Variants in MYBBP1A observed in about 807,000 individuals in gnomAD.
MYBBP1A encodes MYB binding protein 1a, also known as myb-binding protein 1A.
A neutral mutation model predicts 136.3 loss-of-function variants in MYBBP1A; 147 were observed. That is an observed-to-expected ratio of 1.08 (90% CI 0.94 to 1.24). The LOEUF (loss-of-function observed/expected upper bound fraction) is 1.24, where lower values mean the gene tolerates loss of function less well. Ranked by LOEUF, MYBBP1A falls within the 50% of genes most tolerant of loss-of-function variation. The pLI is 0.00. For synonymous variants in MYBBP1A, 947 were observed against 735.8 expected (o/e 1.29, Z -4.65); for missense variants, 2,060 against 1,727.4 (o/e 1.19, Z -3.41).
Position 4,555,153 on chromosome 17 carries a change from G to C in MYBBP1A, c.172C>G (p.Leu58Val). The C allele has an allele frequency of 1.3e-6, 2 of 1,599,920 alleles. No individual in the cohort carries two copies. The highest frequency in any genetic ancestry group is 2.7e-5 in the African/African-American group (2 of 74,756). The change falls in exon 1 of 26, where the codon CTG becomes GTG. Residue 58 changes from leucine (L) to valine (V), a missense_variant. By Grantham distance (32) the Leu-to-Val change is conservative. Transcript: ENST00000254718. ...TTCGGCCTGCCACGCAGATACTCCA[G>C]CAGCTTCTCCGTGGCCGCAAGTCGC... ...ETRLAATEKL[L>V]EYLRGRPKGS...
chr17:4,540,615 CCTT>C (rs1262812042), intron 24 of MYBBP1A, 131 bp from the exon 25 acceptor site: 9 of 1,139,948 alleles, frequency 7.9e-6, no homozygotes, highest in East Asian at 2.8e-5. Flanking sequence ...CTCAGCCTCT[CCTT>C]CTGCCTGTTA....
intron 13 of MYBBP1A, among the ~76,000 whole-genome samples, chr17:4,546,232 C>T (rs1037393532): frequency 1.3e-5 from 2 of 152,242 alleles, no homozygotes; most frequent in African/African-American, 4.8e-5. Context: ...CATTCTCCTG[C>T]CTCAGCCTCC....
Position 4,549,350 on chromosome 17 carries a change from A to G in MYBBP1A, c.1412T>C (p.Leu471Ser). The change falls in exon 10 of 26, where the codon TTG becomes TCG. Residue 471 changes from leucine to serine, a missense_variant. By Grantham distance (145) the Leu-to-Ser change is moderately radical. Coordinates refer to ENST00000254718, the MANE Select transcript of MYBBP1A (RefSeq NM_014520.4). ...DSLHLEMEEA[L>S]TEQVARFCLF... Reference sequence around the variant, plus strand: ...CTCGCACCTGGCCACCTGCTCAGTCAAGGCCTCCTCCATCTCCAGGTGCAG... The same window carrying G: ...CTCGCACCTGGCCACCTGCTCAGTCGAGGCCTCCTCCATCTCCAGGTGCAG... 1 of 1,612,354 alleles carries G rather than the reference A, an allele frequency of 6.2e-7. No homozygotes were observed. Among genetic ancestry groups the G allele is most frequent in the Non-Finnish European group, 8.5e-7 (1 of 1,179,910 alleles).
chr17:4,554,122 AG>A (rs777527924), intron 3 of MYBBP1A, 29 bp from the exon 4 acceptor site: 1 of 1,613,696 alleles, frequency 6.2e-7, no homozygotes, highest in African/African-American at 1.3e-5. Flanking sequence ...CACAGGCATG[AG>A]GGGCCCTGGA....
At chr17:4,549,473 C>A (rs1161877400) in intron 9 of MYBBP1A, 31 bp from the exon 10 acceptor site, 2 of 1,592,504 alleles carry the variant, frequency 1.3e-6, no homozygotes, top group Middle Eastern at 1.7e-4. Context: ...GTCATGTGAG[C>A]CACTTATAAC....
rs1189133043 is a variant in MYBBP1A at position 4,541,898 on chromosome 17, G to C, written c.3088-7C>G. On this transcript the variant is annotated splice_polypyrimidine_tract_variant and splice_region_variant and intron_variant, in intron 22 of 25. Transcript: ENST00000254718. ...TCTGGAGCAGCAGGCAGGCCTGTGGGTGGGCAAAGGTGGGTGGCAGGAGCC... is the reference window on the plus strand; with the variant it reads ...TCTGGAGCAGCAGGCAGGCCTGTGGCTGGGCAAAGGTGGGTGGCAGGAGCC... 1 of 1,609,888 alleles carries C rather than the reference G, an allele frequency of 6.2e-7. No homozygotes were observed. Among genetic ancestry groups the C allele is most frequent in the Admixed American group, 1.7e-5 (1 of 59,968 alleles).
chr17:4,547,841 T>G, intron 13 of MYBBP1A, 117 bp downstream of exon 13: 2 of 907,460 alleles, frequency 2.2e-6, no homozygotes, highest in Non-Finnish European at 3.1e-6. Context: ...ACCTCCCAAC[T>G]TAACTCCCCC....
chr17:4,553,746 C>G lies in MYBBP1A; in HGVS notation c.561+64G>C, dbSNP rs553840775. 1.9e-3 allele frequency: 2,398 copies of G among 1,256,218 alleles called. 5 individuals are homozygous for G. Among genetic ancestry groups the G allele is most frequent in the Non-Finnish European group, 2.4e-3 (2,057 of 862,170 alleles). The allele number at this position is 1,256,218 out of a possible 1,614,324, so 77.8% of individuals were successfully genotyped here. On this transcript the variant is annotated intron_variant, in intron 5 of 25. Transcript: ENST00000254718. ...AACAGTGCTGTTCCAGATTCTCATC[C>G]GAGCCCCCTTGATGTCTCTGTAACA...
Position 4,545,659 on chromosome 17 carries a change from C to G in MYBBP1A, c.2024G>C (p.Gly675Ala), listed in dbSNP as rs749210381. The change falls in exon 15 of 26, where the codon GGC (glycine) becomes GCC (alanine). Residue 675 changes from glycine to alanine, a missense_variant. Transcript: ENST00000254718. The stretch of plus-strand genomic sequence containing the variant: ...CGGGGTCAGGTGGGAGCAGATGTGG[C>G]CAAACACGCTCCGGGCCACCTGGCG... ...LMRQVARSVFGHICSHLTPRA... is the reference protein window; with the variant it reads ...LMRQVARSVFAHICSHLTPRA... The G allele has an allele frequency of 2.9e-5, 46 of 1,610,956 alleles. No individual in the cohort carries two copies. The highest frequency in any genetic ancestry group is 3.3e-5 in the South Asian group (3 of 90,922).
In MYBBP1A at chr17:4,551,894, C is replaced by T. The variant is rs115682714; in HGVS notation, c.1009G>A (p.Val337Met). The change falls in exon 8 of 26, where the codon GTG becomes ATG. Residue 337 changes from valine to methionine, a missense_variant. By Grantham distance (21) the Val-to-Met change is conservative. Coordinates refer to ENST00000254718, the MANE Select transcript of MYBBP1A (RefSeq NM_014520.4). ...GCATTACCCACCTTAGCAGTGCACACGTGCTCCCCGTAATGGCGGATCACG... is the reference window on the plus strand; with the variant it reads ...GCATTACCCACCTTAGCAGTGCACATGTGCTCCCCGTAATGGCGGATCACG... Reference protein sequence around the residue: ...GDVIRHYGEHVCTAKLPKQFK... With the variant: ...GDVIRHYGEHMCTAKLPKQFK... The T allele has an allele frequency of 1.7e-3, 2,771 of 1,613,390 alleles. 10 individuals are homozygous for T. Among genetic ancestry groups the T allele is most frequent in the Non-Finnish European group, 2.0e-3 (2,410 of 1,179,840 alleles).
Position 4,539,492 on chromosome 17 carries a change from A to AAGAC in MYBBP1A, c.3906_3909dup (p.Leu1304ValfsTer42). On this transcript the variant is annotated frameshift_variant, in exon 26 of 26. Transcript: ENST00000254718. LOFTEE classifies it low-confidence loss of function (END_TRUNC). ...AGCAGGCTGGGACTCCTGATGACCAAAGACAGCCTTGCCTTTTTCCGTGCC... is the reference window on the plus strand; with the variant it reads ...AGCAGGCTGGGACTCCTGATGACCAAAGACAGACAGCCTTGCCTTTTTCCGTGCC... 5 of 1,614,108 alleles carry AAGAC rather than the reference A, an allele frequency of 3.1e-6. No homozygotes were observed. Among genetic ancestry groups the AAGAC allele is most frequent in the Non-Finnish European group, 4.2e-6 (5 of 1,180,006 alleles).
chr17:4,545,101 C>A lies in MYBBP1A; in HGVS notation c.2235G>T (p.Glu745Asp). The change falls in exon 17 of 26, where the codon GAG (glutamate) becomes GAT (aspartate). Residue 745 changes from glutamate to aspartate, a missense_variant. Coordinates refer to ENST00000254718, the MANE Select transcript of MYBBP1A (RefSeq NM_014520.4). ...GATCCACGTCCCCGTCGCGCTCCTCCTCCTCGCTCTCCTCCCCCTCGCTCT... is the reference window on the plus strand; with the variant it reads ...GATCCACGTCCCCGTCGCGCTCCTCATCCTCGCTCTCCTCCCCCTCGCTCT... Reference protein sequence around the residue: ...EEESEGEESEEEERDGDVDQG... With the variant: ...EEESEGEESEDEERDGDVDQG... 1 of 1,602,684 alleles carries A rather than the reference C, an allele frequency of 6.2e-7. No homozygotes were observed. Among genetic ancestry groups the A allele is most frequent in the Non-Finnish European group, 8.5e-7 (1 of 1,175,062 alleles).
At position 4,550,397 on chromosome 17, in the gene MYBBP1A, G is replaced by C. The variant is rs1170895947; in HGVS notation, c.1024-44C>G. On this transcript the variant is annotated intron_variant, in intron 8 of 25. Transcript: ENST00000254718. ...GCGCTGAGCCCACCAGCCCAGGGGG[G>C]CAGGCGGTTAACAACCCAACAGCCA... 1.0e-5 allele frequency: 16 copies of C among 1,565,182 alleles called. 1 individual carries two copies. In the Admixed American group the frequency reaches 2.7e-4, roughly 26 times the overall value.
Position 4,542,729 on chromosome 17 carries a change from A to C in MYBBP1A, c.2905T>G (p.Leu969Val). 1 of 1,613,946 alleles carries C rather than the reference A, an allele frequency of 6.2e-7. No homozygotes were observed. Among genetic ancestry groups the C allele is most frequent in the African/African-American group, 1.3e-5 (1 of 75,028 alleles). Residue 969 changes from leucine to valine, a missense_variant, in exon 21 of 26, where the codon TTG becomes GTG. Leu to Val is a conservative substitution (Grantham distance 32, BLOSUM62 1). Transcript: ENST00000254718. ...ACCCGGGTCACCAGGTTCAAGTCCA[A>C]GCAGCTGGCAGCCTAGGCCAGGGGA... is the stretch of plus-strand genomic sequence containing the variant. ...MPTGPQAASC[L>V]DLNLVTRVYS...
At position 4,545,903 on chromosome 17, in the gene MYBBP1A, T is replaced by C; in HGVS notation, c.1864A>G (p.Thr622Ala). Residue 622 changes from threonine (T) to alanine (A), a missense_variant, in exon 14 of 26, where the codon ACC becomes GCC. Coordinates refer to ENST00000254718, the MANE Select transcript of MYBBP1A (RefSeq NM_014520.4). Reference protein sequence around the residue: ...ESCDLLGDIQTCIRKSLGEKP... With the variant: ...ESCDLLGDIQACIRKSLGEKP... ...TCTCCCAGACTTTTCCTGATGCAGGTCTGGATGTCACCCAGCAGGTCACAG... is the reference window on the plus strand; with the variant it reads ...TCTCCCAGACTTTTCCTGATGCAGGCCTGGATGTCACCCAGCAGGTCACAG... 2 of 1,613,282 alleles carry C rather than the reference T, an allele frequency of 1.2e-6. No individual in the cohort carries two copies. The highest frequency in any genetic ancestry group is 1.7e-6 in the Non-Finnish European group (2 of 1,179,976).
chr17:4,545,780 G>C lies in MYBBP1A; in HGVS notation c.1922-19C>G, dbSNP rs749039978. On this transcript the variant is annotated intron_variant, in intron 14 of 25. Coordinates refer to ENST00000254718, the MANE Select transcript of MYBBP1A (RefSeq NM_014520.4). ...TGGGGGTCTGCAAGAGGGAGGGGTT[G>C]AGCCCGGATAGGGGACCGCTGGCCC... The C allele has an allele frequency of 1.2e-6, 2 of 1,606,712 alleles. No individual in the cohort carries two copies. The highest frequency in any genetic ancestry group is 1.3e-5 in the African/African-American group (1 of 74,838).
In MYBBP1A at chr17:4,555,348, G is replaced by C; in HGVS notation, c.-24C>G. ...ATCTCCGCCACACTCACCGAAACACGAAACACGTGTGCTCCGGCCCCAGCC... is the reference window on the plus strand; with the variant it reads ...ATCTCCGCCACACTCACCGAAACACCAAACACGTGTGCTCCGGCCCCAGCC... On this transcript the variant is annotated 5_prime_UTR_variant, in exon 1 of 26. Coordinates refer to ENST00000254718, the MANE Select transcript of MYBBP1A (RefSeq NM_014520.4). 1 of 1,580,826 alleles carries C rather than the reference G, an allele frequency of 6.3e-7. No homozygotes were observed. Among genetic ancestry groups the C allele is most frequent in the Non-Finnish European group, 8.6e-7 (1 of 1,164,304 alleles).
At chr17:4,554,426 T>C (rs886208980) in intron 2 of MYBBP1A, 148 bp from the exon 3 acceptor site, 3 of 658,556 alleles carry the variant, frequency 4.6e-6, no homozygotes, top group Non-Finnish European at 7.9e-6. Flanking sequence ...CTATGGCCCC[T>C]AGATTACTAG....
chr17:4,554,821 G>A, intron 2 of MYBBP1A, 40 bp downstream of exon 2: 1 of 1,593,872 alleles, frequency 6.3e-7, no homozygotes, highest in Non-Finnish European at 8.6e-7. Flanking sequence ...CCACCATTTT[G>A]ACCTGGATGG....
Sources: gnomAD v4.1 joint callset for allele counts (sites outside exome capture counted in the v4.1 genomes callset) on GRCh38, gnomAD v4.1.1 for gene constraint, MANE v1.5 for transcripts, NCBI Gene and HGNC (gene_info 2026-07-23, HGNC 2026-07-21) for gene names.